The following ARFGAP1 variants were observed in gnomAD, a reference collection of about 807,000 sequenced individuals.
ARFGAP1 encodes the protein ARF GTPase activating protein 1.
A neutral mutation model predicts 54.0 loss-of-function variants in ARFGAP1; 26 were observed. The ratio of observed to expected loss-of-function variants is 0.48; its 90% CI spans 0.35 to 0.67. The LOEUF (loss-of-function observed/expected upper bound fraction) is 0.67, where lower values mean the gene tolerates loss of function less well. Among genes scored for constraint, ARFGAP1 ranks in the 30% least tolerant of loss-of-function variants. The pLI is 0.00. For synonymous variants in ARFGAP1, 248 were observed against 211.9 expected, an observed-to-expected ratio of 1.17 and a Z score of -1.48; for missense variants, 525 against 535.8, an observed-to-expected ratio of 0.98 and a Z score of 0.20.
At chr20:63,282,526 C>T (rs1219862368) in intron 8 of ARFGAP1, among the ~76,000 whole-genome samples, 1 of 152,242 alleles carries the variant, frequency 6.6e-6, no homozygotes, top group African/African-American at 2.4e-5. Context: ...GTCCTGAAGT[C>T]TGGAGGATGG....
At chr20:63,277,513 A>G (rs2067265330) in intron 5 of ARFGAP1, among the ~76,000 whole-genome samples, 1 of 152,238 alleles carries the variant, frequency 6.6e-6, no homozygotes. Flanking sequence ...ATAGCGCCCC[A>G]GGTAAGCTCC....
intron 10 of ARFGAP1, 81 bp from the exon 11 acceptor site, chr20:63,285,573 C>A: frequency 6.8e-7 from 1 of 1,468,016 alleles, no homozygotes; most frequent in Non-Finnish European, 9.5e-7. Flanking sequence ...GATGCCCTCA[C>A]CCGGGGGATT....
At chr20:63,286,525 G>C (rs939093435) in intron 12 of ARFGAP1, 83 bp downstream of exon 12, 5 of 1,397,100 alleles carry the variant, frequency 3.6e-6, no homozygotes, top group Non-Finnish European at 5.0e-6. Context: ...GAGGTGGCTG[G>C]CATCCTTGCT....
Position 63,276,642 on chromosome 20 carries a change from T to C in ARFGAP1, c.333T>C (p.Phe111=). The stretch of plus-strand genomic sequence containing the variant: ...ACAACAGCAGAGCCGCGGCCCTCTT[T>C]AGGGATAAGGTAGAGATGGGCCCGA... ...EKYNSRAAAL[F]RDKVVALAEG... Residue 111 remains phenylalanine, a synonymous_variant, in exon 4 of 13, where the codon TTT becomes TTC. Coordinates refer to ENST00000370283, the MANE Select transcript of ARFGAP1 (RefSeq NM_018209.4). This position sits in a 1 kb window ranked among gnomAD's most constrained non-coding sequence, Gnocchi z 5.2. 6.2e-7 allele frequency: 1 copy of C among 1,609,498 alleles called. No homozygotes were observed. Among genetic ancestry groups the C allele is most frequent in the Non-Finnish European group, 8.5e-7 (1 of 1,177,802 alleles).
At position 63,278,061 on chromosome 20, in the gene ARFGAP1, G is replaced by A; in HGVS notation, c.444-56G>A. 1.9e-6 allele frequency: 3 copies of A among 1,543,518 alleles called. No individual in the cohort carries two copies. The South Asian group carries it at 3.4e-5, about 17-fold the overall frequency. On this transcript the variant is annotated intron_variant, in intron 5 of 12. Coordinates refer to ENST00000370283, the MANE Select transcript of ARFGAP1 (RefSeq NM_018209.4). ...ACATGGTTCTGGGGGTGCTTCTGGG[G>A]TTACCTCAGACTTCACCCAGTTTTG...
chr20:63,273,165 C>T (rs1310267022), intron 1 of ARFGAP1: 2 of 152,110 alleles, frequency 1.3e-5, no homozygotes, highest in South Asian at 4.1e-4. Context: ...CGTGCCGCCC[C>T]CCGCCCCTCG....
rs764091635 is a variant in ARFGAP1 at position 63,281,358 on chromosome 20, G to T, written c.684+11G>T. ...GCAGCCAAGGAGGGCGTAAGTCACT[G>T]CCCCTGCCATGCCACCGTCCCCACC... On this transcript the variant is annotated intron_variant, in intron 8 of 12. Transcript: ENST00000370283. 1 of 1,587,020 alleles carries T rather than the reference G, an allele frequency of 6.3e-7. No individual in the cohort carries two copies. Among genetic ancestry groups the T allele is most frequent in the South Asian group, 1.1e-5 (1 of 89,004 alleles).
At position 63,275,653 on chromosome 20, in the gene ARFGAP1, C is replaced by A; in HGVS notation, c.60+13C>A. The A allele has an allele frequency of 6.2e-7, 1 of 1,612,788 alleles. No homozygotes were observed. Among genetic ancestry groups the A allele is most frequent in the Non-Finnish European group, 8.5e-7 (1 of 1,179,196 alleles). ...GGATGAGAACAACGTAAGCCTCTGCCCCCCACCCCCCGCCCTAAGGCTTGG... is the reference window on the plus strand; with the variant it reads ...GGATGAGAACAACGTAAGCCTCTGCACCCCACCCCCCGCCCTAAGGCTTGG... On this transcript the variant is annotated intron_variant, in intron 2 of 12. Transcript: ENST00000370283.
At chr20:63,282,668 G>A (rs1421805879) in intron 8 of ARFGAP1, 151 bp from the exon 9 acceptor site, 7 of 715,158 alleles carry the variant, frequency 9.8e-6, no homozygotes, top group Non-Finnish European at 1.5e-5. Context: ...AGCTCTTCTG[G>A]GCATCTCAGA....
At position 63,278,965 on chromosome 20, in the gene ARFGAP1, C is replaced by T; in HGVS notation, c.597C>T (p.Phe199=). Residue 199 remains phenylalanine, a synonymous_variant, in exon 7 of 13, where the codon TTC becomes TTT. Transcript: ENST00000370283. ...CGCCTCAGAAGAAAGAAGATGACTTCCTCAACAACGCCATGTCCTCCCTGT... is the reference window on the plus strand; with the variant it reads ...CGCCTCAGAAGAAAGAAGATGACTTTCTCAACAACGCCATGTCCTCCCTGT... The part of the protein sequence containing the change: ...TPPPQKKEDD[F]LNNAMSSLYS... 1.2e-6 allele frequency: 2 copies of T among 1,614,096 alleles called. No individual in the cohort carries two copies. The highest frequency in any genetic ancestry group is 1.3e-5 in the African/African-American group (1 of 75,064).
At chr20:63,282,362 C>T (rs993650570) in intron 8 of ARFGAP1, among the ~76,000 whole-genome samples, 2 of 152,246 alleles carry the variant, frequency 1.3e-5, no homozygotes, top group Non-Finnish European at 2.9e-5. Flanking sequence ...CTCCTCCCCC[C>T]GAGCTTTAAA....
chr20:63,275,448 G>T, intron 1 of ARFGAP1, 129 bp from the exon 2 acceptor site: 1 of 840,496 alleles, frequency 1.2e-6, no homozygotes, highest in Non-Finnish European at 1.9e-6. Context: ...CTGTGACCGG[G>T]GCTTCCAAGC....
At chr20:63,286,161 G>A (rs866745380) in intron 11 of ARFGAP1, 14 of 1,550,212 alleles carry the variant, frequency 9.0e-6, no homozygotes, top group Non-Finnish European at 1.0e-5. Context: ...GGCTGTCCTC[G>A]CTGCCATGTC....
At chr20:63,279,050 AC>A (rs1265659818) in intron 7 of ARFGAP1, 55 bp downstream of exon 7, 34 of 1,559,830 alleles carry the variant, frequency 2.2e-5, no homozygotes, top group Non-Finnish European at 2.8e-5. Context: ...CCCTGAGGGC[AC>A]GACGGGCCAT....
chr20:63,278,324 C>T lies in ARFGAP1; in HGVS notation c.530+121C>T, dbSNP rs926607865. On this transcript the variant is annotated intron_variant, in intron 6 of 12. Coordinates refer to ENST00000370283, the MANE Select transcript of ARFGAP1 (RefSeq NM_018209.4). ...AGTGGGTGTGGGACCCAGGCATGCG[C>T]GGTGCAGGGTCTGATTGCAGTGAGT... The T allele has an allele frequency of 7.0e-5, 70 of 997,672 alleles. No individual in the cohort carries two copies. The Admixed American group carries it at 7.5e-4, about 11-fold the overall frequency. The allele number at this position is 997,672 out of a possible 1,614,324, so 61.8% of individuals were successfully genotyped here. A position where few individuals can be genotyped will look rare whatever the true frequency, so the allele number is the denominator to read the frequency against.
At chr20:63,277,778 C>T (rs1336907371) in intron 5 of ARFGAP1, among the ~76,000 whole-genome samples, 2 of 152,250 alleles carry the variant, frequency 1.3e-5, no homozygotes, top group African/African-American at 4.8e-5. Flanking sequence ...GCCACATCCA[C>T]GTGCTTCTGA....
At position 63,286,290 on chromosome 20, in the gene ARFGAP1, C is replaced by T. The variant is rs2067541283; in HGVS notation, c.835-76C>T. 5 of 1,598,628 alleles carry T rather than the reference C, an allele frequency of 3.1e-6. No individual in the cohort carries two copies. In the South Asian group the frequency reaches 3.3e-5, roughly 11 times the overall value. ...TTCTCAGCGGGACGGCGCGTGCCGG[C>T]TTGCGTGTGGGGGCCTCCTGAAGCT... On this transcript the variant is annotated intron_variant, in intron 11 of 12. Coordinates refer to ENST00000370283, the MANE Select transcript of ARFGAP1 (RefSeq NM_018209.4).
In ARFGAP1 at chr20:63,288,604, G is replaced by A. The variant is rs774486521; in HGVS notation, c.*731G>A. ...GGAACACCCTGGAAGAAAAAGGAGCGCAGGGTGGGCCCTCGGCCCTGATGC... is the reference window on the plus strand; with the variant it reads ...GGAACACCCTGGAAGAAAAAGGAGCACAGGGTGGGCCCTCGGCCCTGATGC... On this transcript the variant is annotated 3_prime_UTR_variant, in exon 13 of 13. Coordinates refer to ENST00000370283, the MANE Select transcript of ARFGAP1 (RefSeq NM_018209.4). The A allele has an allele frequency of 6.1e-5, 27 of 440,496 alleles. No individual in the cohort carries two copies. The highest frequency in any genetic ancestry group is 1.0e-4 in the Non-Finnish European group (22 of 216,546). The allele number at this position is 440,496 out of a possible 1,614,324, so 27.3% of individuals were successfully genotyped here.
At chr20:63,282,400 G>T (rs1358141632) in intron 8 of ARFGAP1, among the ~76,000 whole-genome samples, 7 of 152,246 alleles carry the variant, frequency 4.6e-5, no homozygotes, top group Admixed American at 1.3e-4. Context: ...ACTGTGCTGG[G>T]CATGGAGCCG....
Sources: allele counts gnomAD v4.1 joint callset (sites outside exome capture counted in the v4.1 genomes callset), GRCh38; gene constraint gnomAD v4.1.1; non-coding constraint Gnocchi (gnomAD v3.1); transcripts MANE v1.5; gene names NCBI Gene and HGNC (gene_info 2026-07-23, HGNC 2026-07-21).